DCHS2: variants seen among roughly 807,000 people sequenced by gnomAD.
DCHS2 encodes protocadherin-23.
In DCHS2, 142 loss-of-function variants were observed where a neutral mutation model predicts 182.4. That is an observed-to-expected ratio of 0.78 (90% confidence interval 0.68 to 0.89). The LOEUF (loss-of-function observed/expected upper bound fraction) is 0.89, where lower values mean the gene tolerates loss of function less well. DCHS2 is among the 40% of genes least tolerant of loss of function. The pLI, the probability that DCHS2 is intolerant of heterozygous loss-of-function variation, is 0.00. For missense variants in DCHS2, 4,319 were observed against 4,198.6 expected, an observed-to-expected ratio of 1.03 and a Z score of -0.79; for synonymous variants, 1,740 against 1,663.3, an observed-to-expected ratio of 1.05 and a Z score of -1.12.
chr4:154,411,461 G>T (rs1732629664), intron 1 of DCHS2, among the ~76,000 whole-genome samples: 1 of 152,082 alleles, frequency 6.6e-6, no homozygotes, highest in Non-Finnish European at 1.5e-5. Context: ...GCCAGGTGTG[G>T]TGGCGCGTGC....
intron 16 of DCHS2, among the ~76,000 whole-genome samples, chr4:154,246,059 C>A (rs563586542): frequency 2.0e-5 from 3 of 152,224 alleles, no homozygotes; most frequent in South Asian, 2.1e-4. Context: ...TAAAAGAAGT[C>A]TTTTAAAATG....
chr4:154,421,754 A>AT (rs1733122812), intron 1 of DCHS2, among the ~76,000 whole-genome samples: 1 of 152,044 alleles, frequency 6.6e-6, no homozygotes, highest in Non-Finnish European at 1.5e-5. Context: ...CCTTGCACCC[A>AT]TTTTCCCTTC....
At chr4:154,319,504 A>C (rs1054982193) in intron 9 of DCHS2, among the ~76,000 whole-genome samples, 1 of 151,928 alleles carries the variant, frequency 6.6e-6, no homozygotes, top group African/African-American at 2.4e-5. Context: ...TAATTTTAAA[A>C]TGGACAAAAG....
intron 1 of DCHS2, among the ~76,000 whole-genome samples, chr4:154,391,809 C>T (rs1379317072): frequency 2.0e-5 from 3 of 152,186 alleles, no homozygotes; most frequent in Non-Finnish European, 4.4e-5. Flanking sequence ...AGGCGATGGG[C>T]CACGTGATGG....
At chr4:154,476,175 A>AG (rs1466090304) in intron 1 of DCHS2, among the ~76,000 whole-genome samples, 1 of 152,220 alleles carries the variant, frequency 6.6e-6, no homozygotes, top group African/African-American at 2.4e-5. Context: ...TTTCATAACA[A>AG]TGAGAAATAT....
intron 15 of DCHS2, among the ~76,000 whole-genome samples, chr4:154,258,267 A>C (rs1732798761): frequency 6.6e-6 from 1 of 151,724 alleles, no homozygotes; most frequent in South Asian, 2.1e-4. Flanking sequence ...GTGTAGGGGC[A>C]CAGAGCTAAA....
At chr4:154,364,648 GCA>G (rs1473313845) in intron 3 of DCHS2, among the ~76,000 whole-genome samples, 1 of 152,182 alleles carries the variant, frequency 6.6e-6, no homozygotes, top group Non-Finnish European at 1.5e-5. Flanking sequence ...GCCAGACAAG[GCA>G]CAGTTTCCAG....
At chr4:154,366,034 A>T (rs1018043666) in intron 3 of DCHS2, among the ~76,000 whole-genome samples, 176 bp downstream of exon 3, 2 of 152,110 alleles carry the variant, frequency 1.3e-5, no homozygotes, top group African/African-American at 4.8e-5. Context: ...TCCAGGTCTA[A>T]CCCACTACAA....
chr4:154,297,608 GA>G (rs976336766), intron 13 of DCHS2, among the ~76,000 whole-genome samples: 19 of 152,174 alleles, frequency 1.2e-4, no homozygotes, highest in African/African-American at 4.6e-4. Flanking sequence ...TTTTCTAACT[GA>G]ATCTTTAATG....
At chr4:154,401,229 A>G (rs919328914) in intron 1 of DCHS2, among the ~76,000 whole-genome samples, 1 of 152,218 alleles carries the variant, frequency 6.6e-6, no homozygotes, top group Admixed American at 6.5e-5. Context: ...TTCATGTTTT[A>G]GTAGTATTCT....
chr4:154,275,888 A>AT (rs1733833412), intron 13 of DCHS2, among the ~76,000 whole-genome samples: 1 of 152,166 alleles, frequency 6.6e-6, no homozygotes, highest in Non-Finnish European at 1.5e-5. Context: ...GAACAATCCT[A>AT]TTTTTGTTGC....
Position 154,332,829 on chromosome 4 carries a change from T to C in DCHS2, c.3379A>G (p.Ser1127Gly). Reference sequence around the variant, plus strand: ...ATTCCAAACATAGCAGAGTCTACGCTGGGTTCCAGCGAGTACCTAAGAGGC... The same window carrying C: ...ATTCCAAACATAGCAGAGTCTACGCCGGGTTCCAGCGAGTACCTAAGAGGC... ...ASPLRYSLEP[S>G]VDSAMFGIRP... Residue 1127 changes from serine (S) to glycine (G), a missense_variant, in exon 5 of 20, where the codon AGC becomes GGC. Coordinates refer to ENST00000357232, the MANE Select transcript of DCHS2 (RefSeq NM_001358235.2). The C allele has an allele frequency of 6.2e-7, 1 of 1,614,206 alleles. No individual in the cohort carries two copies. The highest frequency in any genetic ancestry group is 8.5e-7 in the Non-Finnish European group (1 of 1,180,034).
At chr4:154,343,568 T>C (rs775129000) in intron 3 of DCHS2, 4 of 1,528,988 alleles carry the variant, frequency 2.6e-6, no homozygotes, top group Non-Finnish European at 2.6e-6. Flanking sequence ...GGAGATGGCG[T>C]CTTCCCTTAA....
chr4:154,305,539 C>T lies in DCHS2; in HGVS notation c.5261-308G>A, dbSNP rs576447546. ...CTCTACAACATATTCCTAATTACTC[C>T]TTCTAACACCTCTGATTGTGATTTA... On this transcript the variant is annotated intron_variant, in intron 10 of 19. Coordinates refer to ENST00000357232, the MANE Select transcript of DCHS2 (RefSeq NM_001358235.2). Among the ~76,000 whole-genome samples the T allele has an allele frequency of 3.3e-5, 5 of 152,238 alleles. No homozygotes were observed. The South Asian group carries it at 1.0e-3, about 32-fold the overall frequency.
In DCHS2 at chr4:154,490,947, C is replaced by T; in HGVS notation, c.409G>A (p.Asp137Asn). ...GTGGCGGCGACGAAGCTGTAGTGGTCCCGCCGCTCGCGGTCCAGGCGCCGC... is the reference window on the plus strand; with the variant it reads ...GTGGCGGCGACGAAGCTGTAGTGGTTCCGCCGCTCGCGGTCCAGGCGCCGC... ...TARRLDRERR[D>N]HYSFVAATLL... The change falls in exon 1 of 20, where the codon GAC becomes AAC. Residue 137 changes from aspartate to asparagine, a missense_variant. Physicochemically the swap from Asp to Asn is conservative, Grantham distance 23. Transcript: ENST00000357232. 1 of 1,550,518 alleles carries T rather than the reference C, an allele frequency of 6.4e-7. No individual in the cohort carries two copies. Among genetic ancestry groups the T allele is most frequent in the Non-Finnish European group, 8.7e-7 (1 of 1,146,420 alleles).
chr4:154,386,360 C>G (rs1731417653), intron 1 of DCHS2, among the ~76,000 whole-genome samples: 1 of 152,182 alleles, frequency 6.6e-6, no homozygotes, highest in Non-Finnish European at 1.5e-5. Flanking sequence ...ACTTGGTGTT[C>G]TCTGTGCCTG....
At chr4:154,304,429 A>G (rs1169907595) in intron 12 of DCHS2, among the ~76,000 whole-genome samples, 3 of 152,112 alleles carry the variant, frequency 2.0e-5, no homozygotes, top group South Asian at 2.1e-4. Flanking sequence ...TGTAGAGAAA[A>G]GCAACAGGTA....
At chr4:154,412,365 G>A (rs912393436) in intron 1 of DCHS2, among the ~76,000 whole-genome samples, 5 of 152,148 alleles carry the variant, frequency 3.3e-5, no homozygotes, top group Non-Finnish European at 5.9e-5. Context: ...AGCCTTCAGA[G>A]TGAGTAATCC....
chr4:154,435,777 G>A (rs114561031), intron 1 of DCHS2, among the ~76,000 whole-genome samples: 2,410 of 152,212 alleles, frequency 0.016, 63 homozygotes, highest in African/African-American at 0.053. Context: ...AGCATCTGAA[G>A]GTTTTATAGA....
Sources: gnomAD v4.1 joint callset for allele counts (sites outside exome capture counted in the v4.1 genomes callset) on GRCh38, gnomAD v4.1.1 for gene constraint, MANE v1.5 for transcripts, NCBI Gene and HGNC (gene_info 2026-07-23, HGNC 2026-07-21) for gene names.